The following PRKAR1B variants were observed in gnomAD, a reference collection of about 807,000 sequenced individuals.
PRKAR1B encodes cAMP-dependent protein kinase type I-beta regulatory subunit.
A neutral mutation model predicts 46.5 loss-of-function variants in PRKAR1B; 22 were observed. That is an observed-to-expected ratio of 0.47 (90% CI 0.34 to 0.68). The LOEUF (loss-of-function observed/expected upper bound fraction) is 0.68, where lower values mean the gene tolerates loss of function less well. Ranked by LOEUF, PRKAR1B falls within the 30% of genes least tolerant of loss-of-function variation. The pLI, the probability that PRKAR1B is intolerant of heterozygous loss-of-function variation, is 0.01. For synonymous variants in PRKAR1B, 259 were observed against 217.7 expected (o/e 1.19, Z -1.67); for missense variants, 445 against 535.6 (o/e 0.83, Z 1.67).
At chr7:722,811 C>T (rs1313810439) in intron 1 of PRKAR1B, among the ~76,000 whole-genome samples, 1 of 152,224 alleles carries the variant, frequency 6.6e-6, no homozygotes, top group Non-Finnish European at 1.5e-5. Context: ...CCAGATGTAT[C>T]CTGGACATTT....
intron 4 of PRKAR1B, among the ~76,000 whole-genome samples, chr7:670,033 T>C (rs1421579995): frequency 6.7e-6 from 1 of 150,336 alleles, no homozygotes; most frequent in Non-Finnish European, 1.5e-5. Flanking sequence ...GCCCAGCTGA[T>C]TTTTTTTTGT....
chr7:622,376 T>A (rs986376494), intron 4 of PRKAR1B, among the ~76,000 whole-genome samples: 2 of 152,244 alleles, frequency 1.3e-5, no homozygotes, highest in African/African-American at 2.4e-5. Flanking sequence ...AATCTGCATT[T>A]CTGTATGTTA....
rs556266236 is a variant in PRKAR1B at position 658,758 on chromosome 7, C to T, written c.440+18471G>A. Among the ~76,000 whole-genome samples, 41 of 152,264 alleles carry T rather than the reference C, an allele frequency of 2.7e-4. No homozygotes were observed. In the South Asian group the frequency reaches 3.7e-3, roughly 14 times the overall value. ...CTCCACCTCCCTGGTTCAAGTGATTCTCCTGCCTCAGCCTCCTGAGTAGCT... is the reference window on the plus strand; with the variant it reads ...CTCCACCTCCCTGGTTCAAGTGATTTTCCTGCCTCAGCCTCCTGAGTAGCT... On this transcript the variant is annotated intron_variant, in intron 4 of 10. Coordinates refer to ENST00000537384, the MANE Select transcript of PRKAR1B (RefSeq NM_001164760.2).
At chr7:577,912 C>A (rs536504620) in intron 9 of PRKAR1B, among the ~76,000 whole-genome samples, 3 of 152,326 alleles carry the variant, frequency 2.0e-5, no homozygotes, top group African/African-American at 7.2e-5. Context: ...CAGCTCAGGG[C>A]GCTTTTGCAG....
chr7:670,424 C>T (rs1407729488), intron 4 of PRKAR1B, among the ~76,000 whole-genome samples: 3 of 152,234 alleles, frequency 2.0e-5, no homozygotes, highest in Non-Finnish European at 4.4e-5. Context: ...ACATGGAAGC[C>T]CGTGTTGATA....
chr7:661,515 C>T (rs1011329701), intron 4 of PRKAR1B, among the ~76,000 whole-genome samples: 1 of 88,036 alleles, frequency 1.1e-5, no homozygotes. Flanking sequence ...CTCCATGGCA[C>T]AGGTCCCCAC....
At chr7:693,676 G>A (rs1482259927) in intron 2 of PRKAR1B, among the ~76,000 whole-genome samples, 1 of 152,164 alleles carries the variant, frequency 6.6e-6, no homozygotes, top group Non-Finnish European at 1.5e-5. Flanking sequence ...TTTTCACATC[G>A]TGGCTCCTGT....
chr7:568,145 T>C (rs1177089089), intron 9 of PRKAR1B, among the ~76,000 whole-genome samples: 1 of 152,152 alleles, frequency 6.6e-6, no homozygotes, highest in African/African-American at 2.4e-5. Context: ...CCTCACAGTC[T>C]CACCCATGCT....
chr7:679,536 C>A (rs1037274581), intron 3 of PRKAR1B, among the ~76,000 whole-genome samples: 1 of 152,190 alleles, frequency 6.6e-6, no homozygotes, highest in Non-Finnish European at 1.5e-5. Flanking sequence ...CTTTAATTAG[C>A]TGATTATAAA....
intron 4 of PRKAR1B, among the ~76,000 whole-genome samples, chr7:633,545 C>G: frequency 6.6e-6 from 1 of 152,152 alleles, no homozygotes; most frequent in Non-Finnish European, 1.5e-5. Context: ...GGGAGGATCA[C>G]TTCAGGCCAG....
At chr7:581,917 CTA>C (rs1183531882) in intron 8 of PRKAR1B, among the ~76,000 whole-genome samples, 1 of 152,104 alleles carries the variant, frequency 6.6e-6, no homozygotes, top group African/African-American at 2.4e-5. Flanking sequence ...CAGGAACTCG[CTA>C]TGTTATCGAG....
At chr7:706,102 G>GACCGCTT (rs1284514056) in intron 2 of PRKAR1B, among the ~76,000 whole-genome samples, 2 of 152,154 alleles carry the variant, frequency 1.3e-5, no homozygotes, top group Non-Finnish European at 2.9e-5. Context: ...GAGTGGGGAG[G>GACCGCTT]ACCGCTTGAG....
At chr7:596,375 A>G in intron 6 of PRKAR1B, 71 bp from the exon 7 acceptor site, 6 of 1,527,820 alleles carry the variant, frequency 3.9e-6, no homozygotes, top group Non-Finnish European at 5.3e-6. Context: ...CCATACAGAA[A>G]GTCCCCCTTA....
chr7:636,444 T>TCACGTCCTCCACCAGCCGCGCCCA (rs1784110226), intron 4 of PRKAR1B, among the ~76,000 whole-genome samples: 1 of 36,366 alleles, frequency 2.7e-5, no homozygotes. Flanking sequence ...GGCCGCGCCC[T>TCACGTCCTCCACCAGCCGCGCCCA]CACGTCCTCC....
chr7:714,805 C>T lies in PRKAR1B; in HGVS notation c.-22-3278G>A, dbSNP rs980264446. On this transcript the variant is annotated intron_variant, in intron 1 of 10. Transcript: ENST00000537384. This position sits in a 1 kb window ranked among gnomAD's most constrained non-coding sequence, Gnocchi z 4.3. ...AAATCAACACAGAAGTGGGAAGAAACAGGATCCTAGAGAAATGGAGCCACG... is the reference window on the plus strand; with the variant it reads ...AAATCAACACAGAAGTGGGAAGAAATAGGATCCTAGAGAAATGGAGCCACG... Among the ~76,000 whole-genome samples the T allele has an allele frequency of 6.6e-6, 1 of 152,226 alleles. No individual in the cohort carries two copies.
At chr7:697,222 G>C (rs566266839) in intron 2 of PRKAR1B, 1 of 152,282 alleles carries the variant, frequency 6.6e-6, no homozygotes, top group Non-Finnish European at 1.5e-5. Flanking sequence ...AAGTGCAGAC[G>C]TCCAGCCCAG....
chr7:588,007 C>T (rs1780697130), intron 7 of PRKAR1B, among the ~76,000 whole-genome samples: 1 of 152,242 alleles, frequency 6.6e-6, no homozygotes, highest in Admixed American at 6.5e-5. Flanking sequence ...GTTGCTTATT[C>T]TGGGCCCTGG....
At chr7:581,397 G>A (rs1404009979) in intron 8 of PRKAR1B, among the ~76,000 whole-genome samples, 1 of 151,838 alleles carries the variant, frequency 6.6e-6, no homozygotes, top group African/African-American at 2.4e-5. Context: ...ACACATCAGT[G>A]CACACCTGAC....
At chr7:574,243 G>A (rs1186205785) in intron 9 of PRKAR1B, among the ~76,000 whole-genome samples, 6 of 152,242 alleles carry the variant, frequency 3.9e-5, no homozygotes, top group Admixed American at 1.3e-4. Flanking sequence ...CATTAAAGCC[G>A]AGGCTGCCAA....
Sources: allele counts gnomAD v4.1 joint callset (sites outside exome capture counted in the v4.1 genomes callset), GRCh38; gene constraint gnomAD v4.1.1; non-coding constraint Gnocchi (gnomAD v3.1); transcripts MANE v1.5; gene names NCBI Gene and HGNC (gene_info 2026-07-23, HGNC 2026-07-21).